The following FAM50B variants were observed in gnomAD, a reference collection of about 807,000 sequenced individuals.
FAM50B encodes family with sequence similarity 50 member B.
Under a neutral mutation model 25.4 loss-of-function variants are expected in FAM50B, and 9 were observed. That is an observed-to-expected ratio of 0.35 (90% CI 0.21 to 0.62). FAM50B has a LOEUF of 0.62. FAM50B is among the 20% of genes least tolerant of loss of function. The probability of loss-of-function intolerance (pLI) is 0.73; values close to 1 mark genes in which losing one functional copy is unlikely to be tolerated. For missense variants in FAM50B, 372 were observed against 477.9 expected (o/e 0.78, Z 2.07); for synonymous variants, 212 against 204.3 (o/e 1.04, Z -0.32).
At chr6:3,837,093 C>T in the FAM50B span, among the ~76,000 whole-genome samples, 1 of 152,130 alleles carries the variant, frequency 6.6e-6, no homozygotes, top group Non-Finnish European at 1.5e-5. Flanking sequence ...CAAACTGGAC[C>T]ACAGATCTAA....
chr6:3,842,835 T>C, the FAM50B span, among the ~76,000 whole-genome samples: 1 of 152,246 alleles, frequency 6.6e-6, no homozygotes, highest in Admixed American at 6.5e-5. Flanking sequence ...TAAAAAATAC[T>C]TTTCATCAAG....
rs967032565 is a variant in FAM50B at position 3,849,398 on chromosome 6, A to G, written c.-112A>G. 1 of 168,306 alleles carries G rather than the reference A, an allele frequency of 5.9e-6. No homozygotes were observed. Among genetic ancestry groups the G allele is most frequent in the African/African-American group, 2.4e-5 (1 of 41,836 alleles). The allele number at this position is 168,306 out of a possible 1,614,324, so 10.4% of individuals were successfully genotyped here. A position where few individuals can be genotyped will look rare whatever the true frequency, so the allele number is the denominator to read the frequency against. ...ACTTCCTGTGTCCACGGCTGTCGCG[A>G]GAGCCCGGGGCGAGTGGGCCTCTGC... On this transcript the variant is annotated 5_prime_UTR_variant, in exon 1 of 2. Coordinates refer to ENST00000648326, the MANE Select transcript of FAM50B (RefSeq NM_012135.3).
chr6:3,834,231 A>G, the FAM50B span, among the ~76,000 whole-genome samples: 1 of 152,050 alleles, frequency 6.6e-6, no homozygotes, highest in African/African-American at 2.4e-5. Flanking sequence ...AATATGATAT[A>G]TTCTTATATT....
chr6:3,850,161 TCTC>T lies in FAM50B; in HGVS notation c.353_355del (p.Ser118del), dbSNP rs777874858. ...CAGCGGCGCGAGCGCAAGCGTAAGA[TCTC>T]CTGCCTGTCCTTTGCACTAGACGAC... is the stretch of plus-strand genomic sequence containing the variant. On this transcript the variant is annotated inframe_deletion, in exon 2 of 2. Coordinates refer to ENST00000648326, the MANE Select transcript of FAM50B (RefSeq NM_012135.3). 2 of 1,612,952 alleles carry T rather than the reference TCTC, an allele frequency of 1.2e-6. No homozygotes were observed. Among genetic ancestry groups the T allele is most frequent in the South Asian group, 1.1e-5 (1 of 91,054 alleles).
the FAM50B span, among the ~76,000 whole-genome samples, chr6:3,836,386 A>G: frequency 6.6e-6 from 1 of 152,256 alleles, no homozygotes; most frequent in Non-Finnish European, 1.5e-5. Flanking sequence ...TAGTGGTTGC[A>G]TGGACGATCT....
rs1273212656 is a variant in FAM50B, at chr6:3,850,458, C to T, written c.647C>T (p.Ala216Val). The change falls in exon 2 of 2, where the codon GCG (alanine) becomes GTG (valine). Residue 216 changes from alanine (A) to valine (V), a missense_variant. Physicochemically the swap from Ala to Val is moderately conservative, Grantham distance 64. Coordinates refer to ENST00000648326, the MANE Select transcript of FAM50B (RefSeq NM_012135.3). ...GNTVQQFLKK[A>V]LQGLRKDFLE... is the part of the protein sequence containing the mutation. The stretch of plus-strand genomic sequence containing the variant: ...ACGGTGCAGCAGTTCCTGAAGAAGG[C>T]GCTGCAGGGGCTGCGCAAGGACTTC... The T allele has an allele frequency of 2.5e-6, 4 of 1,613,556 alleles. No homozygotes were observed. The highest frequency in any genetic ancestry group is 2.5e-6 in the Non-Finnish European group (3 of 1,179,996).
the FAM50B span, chr6:3,832,014 A>G: frequency 6.6e-6 from 1 of 152,232 alleles, no homozygotes; most frequent in Non-Finnish European, 1.5e-5. Context: ...ATCGAACGGT[A>G]AGGAAATTAG....
chr6:3,845,514 T>C (rs1039898088), upstream of FAM50B, among the ~76,000 whole-genome samples: 1 of 152,182 alleles, frequency 6.6e-6, no homozygotes, highest in Admixed American at 6.5e-5. Flanking sequence ...GGCTATCTTA[T>C]TTATGTTAAG....
At chr6:3,838,031 TC>T in the FAM50B span, among the ~76,000 whole-genome samples, 2 of 152,208 alleles carry the variant, frequency 1.3e-5, no homozygotes, top group Non-Finnish European at 1.5e-5. Context: ...ACTGGAACTC[TC>T]ATATATTTCT....
chr6:3,836,003 T>C, the FAM50B span, among the ~76,000 whole-genome samples: 2 of 152,222 alleles, frequency 1.3e-5, no homozygotes, highest in African/African-American at 4.8e-5. Flanking sequence ...ATGCTTTTAC[T>C]GTAATGCCTA....
chr6:3,847,045 C>G (rs148173696), upstream of FAM50B, among the ~76,000 whole-genome samples: 1 of 152,282 alleles, frequency 6.6e-6, no homozygotes, highest in East Asian at 1.9e-4. Context: ...ATGTGCTGTC[C>G]TCCAGGTTTT....
At chr6:3,839,013 A>G in the FAM50B span, among the ~76,000 whole-genome samples, 832 of 152,070 alleles carry the variant, frequency 5.5e-3, 8 homozygotes, top group African/African-American at 0.019. Flanking sequence ...GGAAAAGGCA[A>G]AAAATATAGG....
At chr6:3,834,359 C>CAAAA in the FAM50B span, among the ~76,000 whole-genome samples, 6 of 75,046 alleles carry the variant, frequency 8.0e-5, no homozygotes, top group African/African-American at 2.2e-4. Context: ...TGATATATGG[C>CAAAA]AAAAAAAAAA....
chr6:3,845,598 T>C (rs981877792), upstream of FAM50B, among the ~76,000 whole-genome samples: 6 of 152,192 alleles, frequency 3.9e-5, no homozygotes, highest in Admixed American at 1.3e-4. Flanking sequence ...TGGGTGGTGA[T>C]GGTGATGGTG....
upstream of FAM50B, among the ~76,000 whole-genome samples, chr6:3,847,924 G>A (rs1762141222): frequency 3.9e-5 from 6 of 152,328 alleles, no homozygotes; most frequent in South Asian, 1.2e-3. Flanking sequence ...AGAGATGAAG[G>A]AACAGCCAGT....
chr6:3,844,730 A>C (rs1047584427), upstream of FAM50B, among the ~76,000 whole-genome samples: 2 of 152,202 alleles, frequency 1.3e-5, no homozygotes, highest in Admixed American at 1.3e-4. Context: ...AAAAACAGAA[A>C]AAAAAACTTA....
intron 1 of FAM50B, 62 bp from the exon 2 acceptor site, chr6:3,849,727 G>A: frequency 1.4e-6 from 2 of 1,479,302 alleles, no homozygotes; most frequent in South Asian, 1.4e-5. Flanking sequence ...GCGCAGAGCT[G>A]AGCATTCCCC....
upstream of FAM50B, among the ~76,000 whole-genome samples, chr6:3,845,594 G>C (rs777210788): frequency 3.3e-5 from 5 of 152,290 alleles, no homozygotes; most frequent in South Asian, 1.0e-3. Flanking sequence ...TCTGTGGGTG[G>C]TGATGGTGAT....
Position 3,850,189 on chromosome 6 carries a change from C to T in FAM50B, c.378C>T (p.Asp126=). 1 of 1,613,438 alleles carries T rather than the reference C, an allele frequency of 6.2e-7. No homozygotes were observed. ...CCTGCCTGTCCTTTGCACTAGACGACCTCGATGACCAGGCCGACGCGGCCG... is the reference window on the plus strand; with the variant it reads ...CCTGCCTGTCCTTTGCACTAGACGATCTCGATGACCAGGCCGACGCGGCCG... The part of the protein sequence containing the change: ...KISCLSFALD[D]LDDQADAAEA... The change falls in exon 2 of 2, where the codon GAC becomes GAT. Residue 126 remains aspartate, a synonymous_variant. Transcript: ENST00000648326.
Sources: gnomAD v4.1 joint callset for allele counts (sites outside exome capture counted in the v4.1 genomes callset) on GRCh38, gnomAD v4.1.1 for gene constraint, MANE v1.5 for transcripts, NCBI Gene and HGNC (gene_info 2026-07-23, HGNC 2026-07-21) for gene names.